Variants in ICAM5 observed in about 807,000 individuals in gnomAD.
The protein encoded by ICAM5 is ICAM-5.
In ICAM5, 38 loss-of-function variants were observed where a neutral mutation model predicts 78.8. That is an observed-to-expected ratio of 0.48 (90% CI 0.37 to 0.63). The LOEUF is 0.63. Ranked by LOEUF, ICAM5 falls within the 30% of genes least tolerant of loss-of-function variation. ICAM5 has a pLI of 0.00. For missense variants in ICAM5, 1,059 were observed against 1,303.0 expected, an observed-to-expected ratio of 0.81 and a Z score of 2.88; for synonymous variants, 544 against 590.9, an observed-to-expected ratio of 0.92 and a Z score of 1.15.
Position 10,294,311 on chromosome 19 carries a change from C to A in ICAM5, c.1983C>A (p.Ser661Arg), listed in dbSNP as rs530246865. 31 of 1,612,708 alleles carry A rather than the reference C, an allele frequency of 1.9e-5. No homozygotes were observed. In the South Asian group the frequency reaches 3.0e-4, roughly 15 times the overall value. ...HGSVAKTVVVSAESPPEMDES... is the reference protein window; with the variant it reads ...HGSVAKTVVVRAESPPEMDES... ...CCGTGGCCAAAACAGTCGTCGTGAG[C>A]GCGGAGTGTGAGCGAGGCCCAGGCG... The change falls in exon 8 of 11, where the codon AGC becomes AGA. Residue 661 changes from serine (S) to arginine (R), a missense_variant. Around this residue, in one of 3 missense-constraint regions of ICAM5, gnomAD observed 815 missense variants for 952.8 expected, o/e 0.86. Transcript: ENST00000221980. This position sits in a 1 kb window ranked among gnomAD's most constrained non-coding sequence, Gnocchi z 7.7.
chr19:10,290,876 G>A lies in ICAM5; in HGVS notation c.83-196G>A. On this transcript the variant is annotated intron_variant, in intron 1 of 10. Coordinates refer to ENST00000221980, the MANE Select transcript of ICAM5 (RefSeq NM_003259.4). This position sits in a 1 kb window ranked among gnomAD's most constrained non-coding sequence, Gnocchi z 5.7. ...TGGCTCTCTGCTACCACGTCCCAGA[G>A]ACACCCTCGAGGTTTAGACTCTGGG... The A allele has an allele frequency of 1.5e-6, 1 of 671,492 alleles. No individual in the cohort carries two copies. Among genetic ancestry groups the A allele is most frequent in the Non-Finnish European group, 2.5e-6 (1 of 403,398 alleles). The allele number at this position is 671,492 out of a possible 1,614,324, so 41.6% of individuals were successfully genotyped here. A position where few individuals can be genotyped will look rare whatever the true frequency, so the allele number is the denominator to read the frequency against.
At position 10,291,517 on chromosome 19, in the gene ICAM5, G is replaced by C. The variant is rs527934682; in HGVS notation, c.381G>C (p.Pro127=). The change falls in exon 3 of 11, where the codon CCG becomes CCC. Residue 127 remains proline, a synonymous_variant. Coordinates refer to ENST00000221980, the MANE Select transcript of ICAM5 (RefSeq NM_003259.4). The part of the protein sequence containing the change: ...FQRPDRVELM[P]LPPWQPVGEN... ...GACCAGATCGCGTAGAGCTGATGCC[G>C]CTGCCTCCCTGGCAGCCGGTGGGCG... 1.2e-6 allele frequency: 2 copies of C among 1,612,552 alleles called. No individual in the cohort carries two copies. The highest frequency in any genetic ancestry group is 2.2e-5 in the East Asian group (1 of 44,878).
Position 10,294,779 on chromosome 19 carries a change from A to T in ICAM5, c.2230+139A>T. ...CAGCCTAAACCAGGGGGTAATGAAAATTCTAGCCAGGCGCAGTGGCTCAGG... is the reference window on the plus strand; with the variant it reads ...CAGCCTAAACCAGGGGGTAATGAAATTTCTAGCCAGGCGCAGTGGCTCAGG... On this transcript the variant is annotated intron_variant, in intron 9 of 10. Coordinates refer to ENST00000221980, the MANE Select transcript of ICAM5 (RefSeq NM_003259.4). This position sits in a 1 kb window ranked among gnomAD's most constrained non-coding sequence, Gnocchi z 7.7. 2.2e-6 allele frequency: 3 copies of T among 1,365,712 alleles called. No homozygotes were observed. Among genetic ancestry groups the T allele is most frequent in the Middle Eastern group, 2.2e-4 (1 of 4,520 alleles). The allele number at this position is 1,365,712 out of a possible 1,614,324, so 84.6% of individuals were successfully genotyped here.
chr19:10,296,748 C>A lies in ICAM5; in HGVS notation c.*132C>A. The A allele has an allele frequency of 1.3e-6, 1 of 769,394 alleles. No individual in the cohort carries two copies. The highest frequency in any genetic ancestry group is 1.7e-6 in the Non-Finnish European group (1 of 589,070). The allele number at this position is 769,394 out of a possible 1,614,324, so 47.7% of individuals were successfully genotyped here. A position where few individuals can be genotyped will look rare whatever the true frequency, so the allele number is the denominator to read the frequency against. The stretch of plus-strand genomic sequence containing the variant: ...CAAGGGCGTCACCCCCATTTTCTAC[C>A]CATCCCCTCAATAAAGTTTTTATAA... On this transcript the variant is annotated 3_prime_UTR_variant, in exon 11 of 11. Coordinates refer to ENST00000221980, the MANE Select transcript of ICAM5 (RefSeq NM_003259.4).
At position 10,290,518 on chromosome 19, in the gene ICAM5, C is replaced by A; in HGVS notation, c.82+393C>A. Reference sequence around the variant, plus strand: ...TACCCTGACTCAGAGGCGCTGTTCCCGCTCCACCCAGAGCCCTGGCAACCG... The same window carrying A: ...TACCCTGACTCAGAGGCGCTGTTCCAGCTCCACCCAGAGCCCTGGCAACCG... On this transcript the variant is annotated intron_variant, in intron 1 of 10. Coordinates refer to ENST00000221980, the MANE Select transcript of ICAM5 (RefSeq NM_003259.4). This position sits in a 1 kb window ranked among gnomAD's most constrained non-coding sequence, Gnocchi z 5.7. 1 of 220,954 alleles carries A rather than the reference C, an allele frequency of 4.5e-6. No homozygotes were observed. The highest frequency in any genetic ancestry group is 8.9e-6 in the Non-Finnish European group (1 of 112,082). 13.7% of individuals were successfully genotyped at this position (220,954 alleles called of 1,614,324 possible).
intron 10 of ICAM5, among the ~76,000 whole-genome samples, chr19:10,296,013 G>T (rs2040217651): frequency 6.6e-6 from 1 of 152,114 alleles, no homozygotes; most frequent in African/African-American, 2.4e-5. Context: ...AGCTCCTGGG[G>T]CTGGGTTCTC....
Position 10,294,747 on chromosome 19 carries a change from G to T in ICAM5, c.2230+107G>T, listed in dbSNP as rs2040207063. 3.9e-6 allele frequency: 6 copies of T among 1,530,788 alleles called. No homozygotes were observed. In the Admixed American group the frequency reaches 1.3e-4, roughly 32 times the overall value. The allele number at this position is 1,530,788 out of a possible 1,614,324, so 94.8% of individuals were successfully genotyped here. A position where few individuals can be genotyped will look rare whatever the true frequency, so the allele number is the denominator to read the frequency against. On this transcript the variant is annotated intron_variant, in intron 9 of 10. Transcript: ENST00000221980. The surrounding 1 kb of genome is among the most constrained non-coding windows in gnomAD (Gnocchi z 7.7). ...CTCCCAATCCCATTCTCGGGGACAG[G>T]GAATTCCAGCCTAAACCAGGGGGTA... is the stretch of plus-strand genomic sequence containing the variant.
rs1352407798 is a variant in ICAM5, at chr19:10,290,085, C to T, written c.42C>T (p.Gly14=). The T allele has an allele frequency of 6.5e-7, 1 of 1,543,076 alleles. No individual in the cohort carries two copies. The highest frequency in any genetic ancestry group is 2.0e-5 in the Admixed American group (1 of 50,148). ...CAGGGCTGCGCCGGGCGCTACTCGG[C>T]CTCTGGGCTGCTCTGGGCCTGGGGC... ...PSPGLRRALL[G]LWAALGLGLF... is the part of the protein sequence containing the mutation. Residue 14 remains glycine (G), a synonymous_variant, in exon 1 of 11, where the codon GGC becomes GGT. Transcript: ENST00000221980. The surrounding 1 kb of genome is among the most constrained non-coding windows in gnomAD (Gnocchi z 5.7).
chr19:10,291,414 G>A (rs1316089765), intron 2 of ICAM5, 73 bp downstream of exon 2: 6 of 1,607,818 alleles, frequency 3.7e-6, no homozygotes, highest in Non-Finnish European at 4.2e-6. Flanking sequence ...TGGGTCCCAG[G>A]GTCCTCCCCT....
At position 10,292,847 on chromosome 19, in the gene ICAM5, C is replaced by A. The variant is rs369916316; in HGVS notation, c.1197C>A (p.Ser399Arg). 2 of 1,612,366 alleles carry A rather than the reference C, an allele frequency of 1.2e-6. No individual in the cohort carries two copies. The highest frequency in any genetic ancestry group is 1.3e-5 in the African/African-American group (1 of 74,836). ...VDGETLIKNRSAELRVLYAPR... is the reference protein window; with the variant it reads ...VDGETLIKNRRAELRVLYAPR... ...GGGAGACCCTGATCAAGAACAGGAG[C>A]GCAGAGCTTCGTGTCCTATGTGAGT... is the stretch of plus-strand genomic sequence containing the variant. The change falls in exon 5 of 11, where the codon AGC becomes AGA. Residue 399 changes from serine to arginine, a missense_variant. Coordinates refer to ENST00000221980, the MANE Select transcript of ICAM5 (RefSeq NM_003259.4).
At position 10,296,706 on chromosome 19, in the gene ICAM5, A is replaced by G. The variant is rs1281499196; in HGVS notation, c.*90A>G. On this transcript the variant is annotated 3_prime_UTR_variant, in exon 11 of 11. Transcript: ENST00000221980. Reference sequence around the variant, plus strand: ...GCTTTATTTATTTACTTATTCATTTATTTATGTATTCAACTCCAAGGGCGT... The same window carrying G: ...GCTTTATTTATTTACTTATTCATTTGTTTATGTATTCAACTCCAAGGGCGT... The G allele has an allele frequency of 5.5e-6, 6 of 1,097,078 alleles. No individual in the cohort carries two copies. Among genetic ancestry groups the G allele is most frequent in the Non-Finnish European group, 5.6e-6 (5 of 885,970 alleles). 68.0% of individuals were successfully genotyped at this position (1,097,078 alleles called of 1,614,324 possible).
In ICAM5 at chr19:10,291,703, G is replaced by A. The variant is rs143556346; in HGVS notation, c.567G>A (p.Arg189=). ...TCACAGCCACGGTACTGGCTCGGAG[G>A]GAGGACCATGGAGCCAATTTCTCGT... ...AVLTATVLAR[R]EDHGANFSCR... Residue 189 remains arginine, a synonymous_variant, in exon 3 of 11, where the codon AGG becomes AGA. Transcript: ENST00000221980. 1,171 of 1,612,696 alleles carry A rather than the reference G, an allele frequency of 7.3e-4. 9 individuals carry two copies. The African/African-American group carries it at 0.013, about 19-fold the overall frequency.
At position 10,293,535 on chromosome 19, in the gene ICAM5, CCAGA is replaced by C. The variant is rs1327397756; in HGVS notation, c.1466-158_1466-155del. Among the ~76,000 whole-genome samples, 3 of 152,100 alleles carry C rather than the reference CCAGA, an allele frequency of 2.0e-5. No individual in the cohort carries two copies. Among genetic ancestry groups the C allele is most frequent in the Non-Finnish European group, 4.4e-5 (3 of 68,018 alleles). ...GCGCCACTGGTGGCTCAGGAAGCTC[CCAGA>C]CAGAGTGCATGCCTCGACTAGCGTG... is the stretch of plus-strand genomic sequence containing the variant. On this transcript the variant is annotated intron_variant, in intron 6 of 10. Coordinates refer to ENST00000221980, the MANE Select transcript of ICAM5 (RefSeq NM_003259.4). The surrounding 1 kb of genome is among the most constrained non-coding windows in gnomAD (Gnocchi z 5.0).
rs747796224 is a variant in ICAM5, at chr19:10,293,784, G to A, written c.1552G>A (p.Gly518Arg). 2 of 1,613,680 alleles carry A rather than the reference G, an allele frequency of 1.2e-6. No homozygotes were observed. The highest frequency in any genetic ancestry group is 1.7e-6 in the Non-Finnish European group (2 of 1,180,044). The change falls in exon 7 of 11, where the codon GGG becomes AGG. Residue 518 changes from glycine to arginine, a missense_variant. This residue lies in a region of ICAM5 where 815 missense variants were observed against 952.8 expected (regional missense o/e 0.86). Transcript: ENST00000221980. The surrounding 1 kb of genome is among the most constrained non-coding windows in gnomAD (Gnocchi z 5.0). ...TEASLSCVAH[G>R]VPPPDVICVR... Reference sequence around the variant, plus strand: ...AGCCTCGCTGAGCTGTGTGGCGCACGGGGTACCGCCGCCTGATGTGATCTG... The same window carrying A: ...AGCCTCGCTGAGCTGTGTGGCGCACAGGGTACCGCCGCCTGATGTGATCTG...
chr19:10,294,164 G>C lies in ICAM5; in HGVS notation c.1836G>C (p.Gly612=), dbSNP rs774246409. Residue 612 remains glycine, a synonymous_variant, in exon 8 of 11, where the codon GGG becomes GGC. Coordinates refer to ENST00000221980, the MANE Select transcript of ICAM5 (RefSeq NM_003259.4). This position sits in a 1 kb window ranked among gnomAD's most constrained non-coding sequence, Gnocchi z 7.7. ...PQPSVKCVGS[G]GATEGVLLPL... ...CAAGCGTGAAGTGCGTGGGCTCCGG[G>C]GGCGCCACTGAGGGGGTGCTGCTGC... 3 of 1,612,520 alleles carry C rather than the reference G, an allele frequency of 1.9e-6. No individual in the cohort carries two copies. The Admixed American group carries it at 5.1e-5, about 27-fold the overall frequency.
chr19:10,294,368 C>G lies in ICAM5; in HGVS notation c.1991-33C>G. 6.2e-7 allele frequency: 1 copy of G among 1,612,860 alleles called. No individual in the cohort carries two copies. The highest frequency in any genetic ancestry group is 8.5e-7 in the Non-Finnish European group (1 of 1,179,640). On this transcript the variant is annotated intron_variant, in intron 8 of 10. Coordinates refer to ENST00000221980, the MANE Select transcript of ICAM5 (RefSeq NM_003259.4). This position sits in a 1 kb window ranked among gnomAD's most constrained non-coding sequence, Gnocchi z 7.7. ...GAGCAGGGGTGCCCCACGGTCCAGGCACTCCCTGACATCCCCCATGGCTGC... is the reference window on the plus strand; with the variant it reads ...GAGCAGGGGTGCCCCACGGTCCAGGGACTCCCTGACATCCCCCATGGCTGC...
At position 10,293,668 on chromosome 19, in the gene ICAM5, C is replaced by A. The variant is rs1260595948; in HGVS notation, c.1466-30C>A. The A allele has an allele frequency of 3.1e-6, 5 of 1,603,732 alleles. No homozygotes were observed. The highest frequency in any genetic ancestry group is 2.2e-5 in the South Asian group (2 of 90,622). ...GGGACGTCAGATTTGCCCCCAAACC[C>A]CAAAGCCAACAATACACTCCCTCCT... On this transcript the variant is annotated intron_variant, in intron 6 of 10. Coordinates refer to ENST00000221980, the MANE Select transcript of ICAM5 (RefSeq NM_003259.4). This position sits in a 1 kb window ranked among gnomAD's most constrained non-coding sequence, Gnocchi z 5.0.
intron 10 of ICAM5, among the ~76,000 whole-genome samples, chr19:10,296,121 G>T (rs934355883): frequency 6.6e-6 from 1 of 152,144 alleles, no homozygotes; most frequent in Non-Finnish European, 1.5e-5. Context: ...GTGGTCACGG[G>T]TTTATATCCC....
At chr19:10,291,936 G>C in intron 3 of ICAM5, 99 bp from the exon 4 acceptor site, 3 of 1,481,806 alleles carry the variant, frequency 2.0e-6, no homozygotes, top group Non-Finnish European at 1.9e-6. Flanking sequence ...TTCCCCCTCC[G>C]TGCCTTGAGG....
Sources: gnomAD v4.1 joint callset for allele counts (sites outside exome capture counted in the v4.1 genomes callset) on GRCh38, gnomAD v4.1.1 for gene constraint, gnomAD v4.1.1 regional missense constraint, Gnocchi (gnomAD v3.1) non-coding constraint, MANE v1.5 for transcripts, NCBI Gene and HGNC (gene_info 2026-07-23, HGNC 2026-07-21) for gene names.